The following PCDHGA7 variants were observed in gnomAD, a reference collection of about 807,000 sequenced individuals.
PCDHGA7 encodes protocadherin gamma subfamily A, 7.
In PCDHGA7, 44 loss-of-function variants were observed where a neutral mutation model predicts 58.3. The observed-to-expected ratio is 0.75, with a 90% CI of 0.59 to 0.97. The LOEUF is 0.97. PCDHGA7 is among the 50% of genes least tolerant of loss of function. PCDHGA7 has a pLI of 0.00. For missense variants in PCDHGA7, 1,266 were observed against 1,188.7 expected, an observed-to-expected ratio of 1.06 and a Z score of -0.96; for synonymous variants, 516 against 504.2, an observed-to-expected ratio of 1.02 and a Z score of -0.31.
chr5:141,462,372 C>A (rs2099038225), intron 1 of PCDHGA7, among the ~76,000 whole-genome samples: 1 of 152,096 alleles, frequency 6.6e-6, no homozygotes, highest in African/African-American at 2.4e-5. Flanking sequence ...AGTTTCTATT[C>A]TTTTAAATTC....
At chr5:141,418,848 G>C (rs770294020) in intron 1 of PCDHGA7, 1 of 1,613,836 alleles carries the variant, frequency 6.2e-7, no homozygotes, top group Non-Finnish European at 8.5e-7. Flanking sequence ...CTCTCAACAC[G>C]GTGTAAAGTA....
chr5:141,411,806 C>G (rs1276116820), intron 1 of PCDHGA7: 1 of 151,860 alleles, frequency 6.6e-6, no homozygotes, highest in Non-Finnish European at 1.5e-5. Flanking sequence ...CGCTTGAGCC[C>G]AGGAAGTCTA....
chr5:141,383,533 C>T lies in PCDHGA7; in HGVS notation c.634C>T (p.Leu212Phe), dbSNP rs2240698. The change falls in exon 1 of 4, where the codon CTC (leucine) becomes TTC (phenylalanine). Residue 212 changes from leucine to phenylalanine, a missense_variant. Physicochemically the swap from Leu to Phe is conservative, Grantham distance 22 (BLOSUM62 0). Transcript: ENST00000518325. Reference protein sequence around the residue: ...REEERVHHLVLTASDGGDPPR... With the variant: ...REEERVHHLVFTASDGGDPPR... ...GGAAGAGCGGGTTCACCACCTGGTC[C>T]TCACAGCCTCTGATGGCGGCGACCC... The T allele has an allele frequency of 0.014, 21,821 of 1,612,448 alleles. 752 individuals are homozygous for T. The highest frequency in any genetic ancestry group is 0.14 in the East Asian group (6,050 of 44,806).
chr5:141,490,419 G>T lies in PCDHGA7; in HGVS notation c.2425-4388G>T, dbSNP rs1424302713. ...TGAGCCTTGATATCTCTCCGGACCT[G>T]CCATTTCAGATTAAGCCTTCTGAGA... is the stretch of plus-strand genomic sequence containing the variant. On this transcript the variant is annotated intron_variant, in intron 1 of 3. Transcript: ENST00000518325. The surrounding 1 kb of genome is among the most constrained non-coding windows in gnomAD (Gnocchi z 5.4). The T allele has an allele frequency of 6.2e-7, 1 of 1,614,170 alleles. No homozygotes were observed. The highest frequency in any genetic ancestry group is 8.5e-7 in the Non-Finnish European group (1 of 1,180,020).
rs1561595268 is a variant in PCDHGA7, at chr5:141,383,220, CATCCTGATGGAAGATAAAATGA to C, written c.325_346del (p.Leu109PhefsTer4). ...GTGCGCGGTGTCTGGTAAACTTTAA[CATCCTGATGGAAGATAAAATGA>C]ATCTTTACCCTATAGACGTGGAAAT... On this transcript the variant is annotated frameshift_variant, in exon 1 of 4. Coordinates refer to ENST00000518325, the MANE Select transcript of PCDHGA7 (RefSeq NM_018920.4). LOFTEE classifies it high-confidence loss of function. 5 of 1,613,982 alleles carry C rather than the reference CATCCTGATGGAAGATAAAATGA, an allele frequency of 3.1e-6. No homozygotes were observed. Among genetic ancestry groups the C allele is most frequent in the Non-Finnish European group, 4.2e-6 (5 of 1,179,890 alleles).
Position 141,431,264 on chromosome 5 carries a change from A to T in PCDHGA7, c.2424+45941A>T. The T allele has an allele frequency of 6.2e-7, 1 of 1,614,170 alleles. No individual in the cohort carries two copies. On this transcript the variant is annotated intron_variant, in intron 1 of 3. Coordinates refer to ENST00000518325, the MANE Select transcript of PCDHGA7 (RefSeq NM_018920.4). This position sits in a 1 kb window ranked among gnomAD's most constrained non-coding sequence, Gnocchi z 4.8. ...GGATATCGGGAAGAACTCTCTGCAG[A>T]GCTACGAGCTCAGCCCGAACACTCA...
At chr5:141,488,855 C>T (rs1441666819) in intron 1 of PCDHGA7, among the ~76,000 whole-genome samples, 2 of 152,190 alleles carry the variant, frequency 1.3e-5, no homozygotes, top group Non-Finnish European at 1.5e-5. Context: ...ACCTGCAGCA[C>T]GAAGTGAGTG....
chr5:141,394,194 A>C (rs919478906), intron 1 of PCDHGA7: 3 of 1,613,842 alleles, frequency 1.9e-6, no homozygotes, highest in Non-Finnish European at 2.5e-6. Flanking sequence ...CTCAGCGTAT[A>C]TCCTAGAGAA....
At chr5:141,400,629 C>A (rs1416723451) in intron 1 of PCDHGA7, 1 of 1,389,786 alleles carries the variant, frequency 7.2e-7, no homozygotes, top group African/African-American at 1.4e-5. Context: ...TTAGGGAAGT[C>A]AGAGCTGCTC....
Position 141,400,379 on chromosome 5 carries a change from G to C in PCDHGA7, c.2424+15056G>C, listed in dbSNP as rs759135733. 3 of 1,613,922 alleles carry C rather than the reference G, an allele frequency of 1.9e-6. No homozygotes were observed. The East Asian group carries it at 6.7e-5, about 36-fold the overall frequency. ...ACTTTGCCTTATTCCTACAACCTAT[G>C]TGTTGCACATACAGGAAAGACGGAG... On this transcript the variant is annotated intron_variant, in intron 1 of 3. Coordinates refer to ENST00000518325, the MANE Select transcript of PCDHGA7 (RefSeq NM_018920.4).
intron 3 of PCDHGA7, among the ~76,000 whole-genome samples, chr5:141,510,089 C>G (rs2099879446): frequency 6.6e-6 from 1 of 152,136 alleles, no homozygotes; most frequent in African/African-American, 2.4e-5. Flanking sequence ...GCCTGGCACA[C>G]AGTAGGTGCT....
intron 1 of PCDHGA7, chr5:141,413,768 TG>T (rs1158107882): frequency 2.5e-6 from 4 of 1,613,132 alleles, no homozygotes; most frequent in Non-Finnish European, 3.4e-6. Context: ...TACCCGGAGC[TG>T]GTACTGGAGC....
rs372018713 is a variant in PCDHGA7, at chr5:141,418,097, C to G, written c.2424+32774C>G. ...GAAGCTGCACTTCAGCGTAGACGCG[C>G]AGAGCGGGGACTTACTTGTGAAGGA... On this transcript the variant is annotated intron_variant, in intron 1 of 3. Coordinates refer to ENST00000518325, the MANE Select transcript of PCDHGA7 (RefSeq NM_018920.4). The G allele has an allele frequency of 5.7e-4, 921 of 1,613,980 alleles. 9 individuals are homozygous for G. The South Asian group carries it at 6.8e-3, about 12-fold the overall frequency.
In PCDHGA7 at chr5:141,487,456, G is replaced by A. The variant is rs1041154635; in HGVS notation, c.2425-7351G>A. Reference sequence around the variant, plus strand: ...AGCTAGGGTCAGATGACCCTATCAAGTTTGTTGATGTGGGAGGCCACTCTC... The same window carrying A: ...AGCTAGGGTCAGATGACCCTATCAAATTTGTTGATGTGGGAGGCCACTCTC... On this transcript the variant is annotated intron_variant, in intron 1 of 3. Coordinates refer to ENST00000518325, the MANE Select transcript of PCDHGA7 (RefSeq NM_018920.4). The surrounding 1 kb of genome is among the most constrained non-coding windows in gnomAD (Gnocchi z 5.0). 6.2e-7 allele frequency: 1 copy of A among 1,614,196 alleles called. No individual in the cohort carries two copies. The highest frequency in any genetic ancestry group is 8.5e-7 in the Non-Finnish European group (1 of 1,180,026).
Position 141,384,383 on chromosome 5 carries a change from C to T in PCDHGA7, c.1484C>T (p.Thr495Ile). ...ATCACTTATTCCTTGGCCGAAGACA[C>T]CATCCAGGGGGCTCCAGTGTCCTCC... ...AQITYSLAEDTIQGAPVSSYV... is the reference protein window; with the variant it reads ...AQITYSLAEDIIQGAPVSSYV... Residue 495 changes from threonine (T) to isoleucine (I), a missense_variant, in exon 1 of 4, where the codon ACC (threonine) becomes ATC (isoleucine). By Grantham distance (89) the Thr-to-Ile change is moderately conservative. Coordinates refer to ENST00000518325, the MANE Select transcript of PCDHGA7 (RefSeq NM_018920.4). The T allele has an allele frequency of 6.2e-7, 1 of 1,613,946 alleles. No individual in the cohort carries two copies.
intron 1 of PCDHGA7, chr5:141,393,496 T>C (rs960048710): frequency 1.9e-6 from 3 of 1,613,940 alleles, no homozygotes; most frequent in Non-Finnish European, 8.5e-7. Flanking sequence ...ACAGTGCGCA[T>C]CCACGTGACA....
In PCDHGA7 at chr5:141,490,679, A is replaced by C; in HGVS notation, c.2425-4128A>C. On this transcript the variant is annotated intron_variant, in intron 1 of 3. Coordinates refer to ENST00000518325, the MANE Select transcript of PCDHGA7 (RefSeq NM_018920.4). The surrounding 1 kb of genome is among the most constrained non-coding windows in gnomAD (Gnocchi z 5.4). ...CTTCTTTGCACTGTGGCTGCCTCAG[A>C]TCCAGACACTGGGGATAATGCCCGC... 6.2e-7 allele frequency: 1 copy of C among 1,614,164 alleles called. No individual in the cohort carries two copies. The highest frequency in any genetic ancestry group is 8.5e-7 in the Non-Finnish European group (1 of 1,180,034).
Position 141,491,994 on chromosome 5 carries a change from C to T in PCDHGA7, c.2425-2813C>T. On this transcript the variant is annotated intron_variant, in intron 1 of 3. Transcript: ENST00000518325. This position sits in a 1 kb window ranked among gnomAD's most constrained non-coding sequence, Gnocchi z 6.9. ...CCTCCTTCGAGCTTCCGGTGAATTT[C>T]GGGCGATTTCCGCGGGTGTCGGGGG... The T allele has an allele frequency of 4.3e-6, 3 of 693,016 alleles. No individual in the cohort carries two copies. The allele number at this position is 693,016 out of a possible 1,614,324, so 42.9% of individuals were successfully genotyped here.
At chr5:141,430,713 T>G in intron 1 of PCDHGA7, 1 of 1,481,944 alleles carries the variant, frequency 6.7e-7, no homozygotes, top group Non-Finnish European at 9.0e-7. Context: ...GCTCCTGACT[T>G]CAGTGGTTAA....
Sources: gnomAD v4.1 joint callset for allele counts (sites outside exome capture counted in the v4.1 genomes callset) on GRCh38, gnomAD v4.1.1 for gene constraint, Gnocchi (gnomAD v3.1) non-coding constraint, MANE v1.5 for transcripts, NCBI Gene and HGNC (gene_info 2026-07-23, HGNC 2026-07-21) for gene names.